The following C4orf50 variants were observed in gnomAD, a reference collection of about 807,000 sequenced individuals.
C4orf50 encodes uncharacterized protein C4orf50.
A neutral mutation model predicts 77.2 loss-of-function variants in C4orf50; 80 were observed. That is an observed-to-expected ratio of 1.04 (90% CI 0.87 to 1.25). The LOEUF is 1.25. Ranked by LOEUF, C4orf50 falls within the 50% of genes most tolerant of loss-of-function variation. The pLI, the probability that C4orf50 is intolerant of heterozygous loss-of-function variation, is 0.00. For missense variants in C4orf50, 1,257 were observed against 1,152.9 expected, an observed-to-expected ratio of 1.09 and a Z score of -1.31; for synonymous variants, 532 against 465.3, an observed-to-expected ratio of 1.14 and a Z score of -1.84.
intron 31 of C4orf50, among the ~76,000 whole-genome samples, chr4:5,972,923 G>C (rs1405505470): frequency 3.9e-5 from 6 of 152,362 alleles, no homozygotes; most frequent in Middle Eastern, 3.4e-3. Flanking sequence ...TGCACTGCCT[G>C]TGTGACCCGG....
At chr4:5,975,581 G>A (rs910230461) in intron 30 of C4orf50, among the ~76,000 whole-genome samples, 2 of 151,910 alleles carry the variant, frequency 1.3e-5, no homozygotes, top group Non-Finnish European at 1.5e-5. Flanking sequence ...ACGTGATCTC[G>A]GCTCACTGCA....
intron 28 of C4orf50, 135 bp downstream of exon 6, chr4:5,988,212 C>T: frequency 8.5e-7 from 1 of 1,175,056 alleles, no homozygotes; most frequent in African/African-American, 1.5e-5. Flanking sequence ...TTTGTACCAA[C>T]CTCCTCTCAT....
At chr4:5,965,212 A>C (rs895034742) in intron 32 of C4orf50, 67 bp from the exon 11 acceptor site, 3 of 1,529,034 alleles carry the variant, frequency 2.0e-6, no homozygotes, top group Admixed American at 1.8e-5. Context: ...CAAGTGTCTG[A>C]GCCTTGTCAT....
exon 32 of C4orf50, chr4:5,967,428 G>T (rs763102392): frequency 8.7e-6 from 14 of 1,613,780 alleles, no homozygotes; most frequent in Non-Finnish European, 1.1e-5. Context: ...TAAAGCTGCC[G>T]TCATCTCAGA....
chr4:5,925,514 C>A (rs1284672643), intron 7 of C4orf50, among the ~76,000 whole-genome samples: 1 of 152,226 alleles, frequency 6.6e-6, no homozygotes, highest in African/African-American at 2.4e-5. Flanking sequence ...TGGACAAGGA[C>A]TGGCAGAAAC....
At chr4:5,909,578 C>G (rs528454541) in intron 7 of C4orf50, among the ~76,000 whole-genome samples, 28 of 152,314 alleles carry the variant, frequency 1.8e-4, no homozygotes, top group African/African-American at 6.7e-4. Context: ...TCTATAAAAT[C>G]TTTGCTCAGA....
rs150453378 is a variant in C4orf50 at position 5,992,274 on chromosome 4, C to T, written c.1221+529G>A. Among the ~76,000 whole-genome samples, 974 of 152,286 alleles carry T rather than the reference C, an allele frequency of 6.4e-3. 8 individuals are homozygous for T. Among genetic ancestry groups the T allele is most frequent in the Non-Finnish European group, 0.01 (708 of 68,024 alleles). ...AACCACACAACCACAGCCGGGCTCG[C>T]GGGTCCCAGCACAGCTCTGTTCCTC... is the stretch of plus-strand genomic sequence containing the variant. On this transcript the variant is annotated intron_variant, in intron 27 of 33. Coordinates refer to ENST00000531445, the Ensembl canonical transcript of C4orf50. This position sits in a 1 kb window ranked among gnomAD's most constrained non-coding sequence, Gnocchi z 5.0.
intron 7 of C4orf50, among the ~76,000 whole-genome samples, chr4:5,921,818 AGTCTGACG>A (rs570532638): frequency 6.6e-6 from 1 of 152,218 alleles, no homozygotes; most frequent in Non-Finnish European, 1.5e-5. Flanking sequence ...AAGAAAGAGC[AGTCTGACG>A]GCCGGTGCTG....
At chr4:5,983,075 T>C (rs1720680457) in intron 28 of C4orf50, among the ~76,000 whole-genome samples, 1 of 152,180 alleles carries the variant, frequency 6.6e-6, no homozygotes, top group African/African-American at 2.4e-5. Flanking sequence ...TTCTGCTCTA[T>C]CACCAAGTCC....
chr4:5,996,179 G>A (rs1355228088), intron 25 of C4orf50, among the ~76,000 whole-genome samples: 1 of 152,168 alleles, frequency 6.6e-6, no homozygotes, highest in Non-Finnish European at 1.5e-5. Flanking sequence ...CAGCGCGTCC[G>A]TGCTCTCCCC....
In C4orf50 at chr4:5,978,101, G is replaced by T. The variant is rs996265856; in HGVS notation, c.3864+2073C>A. Among the ~76,000 whole-genome samples the T allele has an allele frequency of 2.6e-5, 4 of 152,104 alleles. No homozygotes were observed. The East Asian group carries it at 5.8e-4, about 22-fold the overall frequency. Reference sequence around the variant, plus strand: ...ACATTATTAGCCATCAGAAAATACAGCTCAAAACCAATGAGAGACAATCTC... The same window carrying T: ...ACATTATTAGCCATCAGAAAATACATCTCAAAACCAATGAGAGACAATCTC... On this transcript the variant is annotated intron_variant, in intron 29 of 33. Coordinates refer to ENST00000531445, the Ensembl canonical transcript of C4orf50.
chr4:5,915,860 C>T (rs945961502), intron 7 of C4orf50, among the ~76,000 whole-genome samples: 3 of 152,234 alleles, frequency 2.0e-5, no homozygotes, highest in Non-Finnish European at 2.9e-5. Flanking sequence ...ATCCAGGTTA[C>T]TTCCCTCTCC....
intron 7 of C4orf50, among the ~76,000 whole-genome samples, chr4:5,926,998 A>T (rs1409768820): frequency 6.6e-6 from 1 of 152,122 alleles, no homozygotes; most frequent in Non-Finnish European, 1.5e-5. Flanking sequence ...GGGAAGACAG[A>T]CAGGGAGTGT....
In C4orf50 at chr4:5,959,618, CAGAG is replaced by C; in HGVS notation, c.4280_4283del (p.Pro1427ArgfsTer50). The C allele has an allele frequency of 6.2e-7, 1 of 1,612,296 alleles. No homozygotes were observed. The highest frequency in any genetic ancestry group is 2.2e-5 in the East Asian group (1 of 44,786). ...CAGGATCAAGCGTGGACACCAAGGACAGAGGGAGCTGCAGGCAAGAGGACAATGA... is the reference window on the plus strand; with the variant it reads ...CAGGATCAAGCGTGGACACCAAGGACGGAGCTGCAGGCAAGAGGACAATGA... On this transcript the variant is annotated frameshift_variant, in exon 34 of 34. Transcript: ENST00000531445. LOFTEE classifies it low-confidence loss of function (END_TRUNC).
At chr4:5,993,730 T>C (rs1031947427) in intron 26 of C4orf50, among the ~76,000 whole-genome samples, 3 of 151,526 alleles carry the variant, frequency 2.0e-5, no homozygotes, top group Non-Finnish European at 4.4e-5. Flanking sequence ...GACAGGAGAA[T>C]AGCTTGAACC....
intron 28 of C4orf50, among the ~76,000 whole-genome samples, chr4:5,984,107 A>T (rs936007247): frequency 2.6e-5 from 4 of 152,252 alleles, no homozygotes; most frequent in African/African-American, 9.6e-5. Context: ...GCCTCACCTT[A>T]GGAGTAATAT....
chr4:5,957,966 C>G (rs1481551074), exon 34 of C4orf50: 5 of 152,234 alleles, frequency 3.3e-5, no homozygotes, highest in Non-Finnish European at 7.3e-5. Context: ...AAAAGCTAAA[C>G]TACGTTAAAA....
downstream of C4orf50, among the ~76,000 whole-genome samples, chr4:5,956,369 G>A (rs556001627): frequency 6.6e-6 from 1 of 152,164 alleles, no homozygotes; most frequent in Non-Finnish European, 1.5e-5. Context: ...TTGGTCAGCC[G>A]CCCACTCCAC....
chr4:6,003,649 G>T (rs1721950497), intron 25 of C4orf50, among the ~76,000 whole-genome samples: 1 of 124,376 alleles, frequency 8.0e-6, no homozygotes, highest in African/African-American at 2.9e-5. Flanking sequence ...ATGTGATAGT[G>T]ATGATGGTGA....
Sources: gnomAD v4.1 joint callset for allele counts (sites outside exome capture counted in the v4.1 genomes callset) on GRCh38, gnomAD v4.1.1 for gene constraint, Gnocchi (gnomAD v3.1) non-coding constraint, MANE v1.5 for transcripts, NCBI Gene and HGNC (gene_info 2026-07-23, HGNC 2026-07-21) for gene names.